Variants in LCOR observed in about 807,000 individuals in gnomAD.
LCOR encodes the protein ligand dependent nuclear receptor corepressor, also known as ligand-dependent corepressor.
Under a neutral mutation model 64.4 loss-of-function variants are expected in LCOR, and 14 were observed. The ratio of observed to expected loss-of-function variants is 0.22; its 90% CI spans 0.14 to 0.34. LCOR has a LOEUF of 0.34. Ranked by LOEUF, LCOR falls within the 10% of genes least tolerant of loss-of-function variation. LCOR has a pLI of 1.00. For missense variants in LCOR, 1,686 were observed against 1,765.3 expected (o/e 0.96, Z 0.80); for synonymous variants, 643 against 642.5 (o/e 1.00, Z -0.01).
At chr10:96,841,061 T>C in intron 2 of LCOR, among the ~76,000 whole-genome samples, 1 of 152,194 alleles carries the variant, frequency 6.6e-6, no homozygotes. Context: ...GGAGGATCGC[T>C]TGAGCCCAGG....
rs1186780494 is a variant in LCOR, at chr10:96,982,534, C to T, written c.2074C>T (p.Pro692Ser). 1.2e-6 allele frequency: 2 copies of T among 1,614,172 alleles called. No homozygotes were observed. The highest frequency in any genetic ancestry group is 1.7e-6 in the Non-Finnish European group (2 of 1,180,040). Residue 692 changes from proline (P) to serine (S), a missense_variant, in exon 8 of 8, where the codon CCT (proline) becomes TCT (serine). This residue lies in a region of LCOR where 1,293 missense variants were observed against 1,410.4 expected (regional missense o/e 0.92). Transcript: ENST00000421806. The stretch of plus-strand genomic sequence containing the variant: ...AGATGTCATTTCTAGGCCTCATTCT[C>T]CTCCTGAAATAGTCAGTAGAGAAGA... Reference protein sequence around the residue: ...SEDVISRPHSPPEIVSREESP... With the variant: ...SEDVISRPHSSPEIVSREESP...
rs754378336 is a variant in LCOR, at chr10:96,897,874, T to TC, written c.-329-9391_-329-9390insC. Reference sequence around the variant, plus strand: ...CTGGAGCAGAAAGCCATCTTTTTTTTTTTTTTTTTTTTGTTTGGTCAGATA... The same window carrying TC: ...CTGGAGCAGAAAGCCATCTTTTTTTTCTTTTTTTTTTTTGTTTGGTCAGATA... On this transcript the variant is annotated intron_variant, in intron 2 of 7. Coordinates refer to ENST00000421806, the MANE Select transcript of LCOR (RefSeq NM_001346516.2). 3.4e-5 allele frequency among the ~76,000 whole-genome samples: 5 copies of TC among 147,252 alleles called. No homozygotes were observed. In the East Asian group the frequency reaches 5.8e-4, roughly 17 times the overall value.
chr10:96,860,939 G>C (rs1385403175), intron 2 of LCOR, among the ~76,000 whole-genome samples: 1 of 152,204 alleles, frequency 6.6e-6, no homozygotes, highest in Non-Finnish European at 1.5e-5. Flanking sequence ...GTTTGGGGCA[G>C]TTAGCTGTTG....
chr10:96,983,513 G>A lies in LCOR; in HGVS notation c.3053G>A (p.Ser1018Asn). 2.5e-6 allele frequency: 4 copies of A among 1,614,124 alleles called. No individual in the cohort carries two copies. Among genetic ancestry groups the A allele is most frequent in the Non-Finnish European group, 3.4e-6 (4 of 1,180,040 alleles). The change falls in exon 8 of 8, where the codon AGT (serine) becomes AAT (asparagine). Residue 1018 changes from serine (S) to asparagine (N), a missense_variant. This residue lies in a region of LCOR where 1,293 missense variants were observed against 1,410.4 expected (regional missense o/e 0.92). Transcript: ENST00000421806. The surrounding 1 kb of genome is among the most constrained non-coding windows in gnomAD (Gnocchi z 4.5). ...TGCAGCTCTCTTGGGTTGTCGAGTA[G>A]TGGAAGTGGTGATGCTGCTAGGGCA... ...APCSSLGLSS[S>N]GSGDAARAPK...
intron 5 of LCOR, 92 bp from the exon 6 acceptor site, chr10:96,948,916 A>T: frequency 2.0e-6 from 2 of 996,232 alleles, no homozygotes; most frequent in Non-Finnish European, 2.9e-6. Context: ...ACTGCATTTT[A>T]AGAAAAATAA....
intron 7 of LCOR, among the ~76,000 whole-genome samples, chr10:96,952,428 C>A (rs1379524780): frequency 2.0e-5 from 3 of 152,052 alleles, no homozygotes; most frequent in Admixed American, 6.6e-5. Flanking sequence ...GCAATTATTT[C>A]TTTGGACTTT....
intron 4 of LCOR, among the ~76,000 whole-genome samples, chr10:96,934,209 A>G (rs1236732171): frequency 2.0e-5 from 3 of 152,228 alleles, no homozygotes; most frequent in African/African-American, 7.2e-5. Flanking sequence ...AGGTAAGATT[A>G]CATATATTGT....
chr10:96,910,782 A>T (rs145764325), intron 4 of LCOR, among the ~76,000 whole-genome samples: 1 of 152,334 alleles, frequency 6.6e-6, no homozygotes, highest in South Asian at 2.1e-4. Flanking sequence ...TTGGAAAAGC[A>T]CTTAGAAATA....
At chr10:96,894,036 T>C (rs909601761) in intron 2 of LCOR, among the ~76,000 whole-genome samples, 1 of 152,170 alleles carries the variant, frequency 6.6e-6, no homozygotes, top group Admixed American at 6.5e-5. Context: ...GAAGGGACTT[T>C]TGAACTATGG....
chr10:96,881,297 G>A (rs1241054635), intron 2 of LCOR, among the ~76,000 whole-genome samples: 1 of 152,154 alleles, frequency 6.6e-6, no homozygotes, highest in Non-Finnish European at 1.5e-5. Flanking sequence ...ATTACACAAA[G>A]TAATGAATGT....
intron 2 of LCOR, among the ~76,000 whole-genome samples, chr10:96,863,637 G>C (rs929627166): frequency 1.2e-4 from 18 of 152,196 alleles, no homozygotes; most frequent in African/African-American, 4.3e-4. Context: ...AGGTTTTTCT[G>C]AGGTTGACCT....
chr10:96,878,148 G>GC (rs1161300182), intron 2 of LCOR, among the ~76,000 whole-genome samples: 1 of 152,158 alleles, frequency 6.6e-6, no homozygotes, highest in Non-Finnish European at 1.5e-5. Flanking sequence ...AGGTGTATAG[G>GC]CCATTGTGAC....
At chr10:96,934,476 A>C (rs1261927934) in intron 4 of LCOR, among the ~76,000 whole-genome samples, 2 of 152,314 alleles carry the variant, frequency 1.3e-5, no homozygotes, top group African/African-American at 4.8e-5. Context: ...TAAGAAGCTC[A>C]CAGTAGATTA....
At chr10:96,832,474 G>A in intron 1 of LCOR, 75 bp downstream of exon 1, 2 of 509,626 alleles carry the variant, frequency 3.9e-6, no homozygotes, top group Non-Finnish European at 5.1e-6. Flanking sequence ...GGAGGAAGCT[G>A]GGGAAGTGGC....
At chr10:96,915,955 C>T (rs965600726) in intron 4 of LCOR, 6 of 328,674 alleles carry the variant, frequency 1.8e-5, no homozygotes, top group Admixed American at 3.8e-5. Context: ...TGCAGTGGTG[C>T]GTGGCCTTTG....
At chr10:96,872,086 C>T (rs529475928) in intron 2 of LCOR, among the ~76,000 whole-genome samples, 3 of 152,218 alleles carry the variant, frequency 2.0e-5, no homozygotes, top group Non-Finnish European at 4.4e-5. Flanking sequence ...TCCTAAAATA[C>T]TAGCCCTGTA....
At position 96,980,893 on chromosome 10, in the gene LCOR, T is replaced by C; in HGVS notation, c.433T>C (p.Phe145Leu). 1.4e-6 allele frequency: 1 copy of C among 702,982 alleles called. No homozygotes were observed. The highest frequency in any genetic ancestry group is 2.6e-6 in the Non-Finnish European group (1 of 384,992). The allele number at this position is 702,982 out of a possible 1,614,324, so 43.5% of individuals were successfully genotyped here. A position where few individuals can be genotyped will look rare whatever the true frequency, so the allele number is the denominator to read the frequency against. ...VKLCTHHQKQ[F>L]IRVLNDLYTE... ...ACTGTGTACTCATCATCAAAAGCAATTCATTCGTGTTCTGAACGACCTGTA... is the reference window on the plus strand; with the variant it reads ...ACTGTGTACTCATCATCAAAAGCAACTCATTCGTGTTCTGAACGACCTGTA... Residue 145 changes from phenylalanine to leucine, a missense_variant, in exon 8 of 8, where the codon TTC becomes CTC. Around this residue, in one of 3 missense-constraint regions of LCOR, gnomAD observed 313 missense variants for 247.2 expected, o/e 1.27. Transcript: ENST00000421806.
chr10:96,859,119 A>G (rs1490510554), intron 2 of LCOR, among the ~76,000 whole-genome samples: 4 of 152,084 alleles, frequency 2.6e-5, no homozygotes, highest in African/African-American at 7.2e-5. Context: ...AGGTTCTAAC[A>G]TGACAGGATC....
chr10:96,952,859 A>G (rs1340762759), intron 7 of LCOR, among the ~76,000 whole-genome samples: 1 of 152,224 alleles, frequency 6.6e-6, no homozygotes, highest in East Asian at 1.9e-4. Context: ...AGACATTTAG[A>G]TACCATGTTG....
Sources: gnomAD v4.1 joint callset for allele counts (sites outside exome capture counted in the v4.1 genomes callset) on GRCh38, gnomAD v4.1.1 for gene constraint, gnomAD v4.1.1 regional missense constraint, Gnocchi (gnomAD v3.1) non-coding constraint, MANE v1.5 for transcripts, NCBI Gene and HGNC (gene_info 2026-07-23, HGNC 2026-07-21) for gene names.